ARL14EPL: variants seen among roughly 807,000 people sequenced by gnomAD.
The protein encoded by ARL14EPL is ARF like GTPase 14 effector protein like.
Under a neutral mutation model 15.9 loss-of-function variants are expected in ARL14EPL, and 17 were observed. The ratio of observed to expected loss-of-function variants is 1.07; its 90% confidence interval spans 0.73 to 1.60. ARL14EPL has a LOEUF of 1.60. Ranked by LOEUF, ARL14EPL falls within the 40% of genes most tolerant of loss-of-function variation. ARL14EPL has a pLI of 0.00. For missense variants in ARL14EPL, 214 were observed against 185.9 expected (o/e 1.15, Z -0.88); for synonymous variants, 78 against 63.8 (o/e 1.22, Z -1.06).
chr5:116,045,765 T>G (rs1749254777), intron 1 of ARL14EPL, among the ~76,000 whole-genome samples: 1 of 102,740 alleles, frequency 9.7e-6, no homozygotes, highest in Non-Finnish European at 2.6e-5. Context: ...TGTGTGTGTG[T>G]GTGTGTGTGT....
chr5:116,053,078 C>T (rs1005559397), intron 2 of ARL14EPL, among the ~76,000 whole-genome samples: 2 of 152,174 alleles, frequency 1.3e-5, no homozygotes, highest in Non-Finnish European at 2.9e-5. Flanking sequence ...ATTACAGTGG[C>T]TCACACCTGT....
chr5:116,053,917 C>T (rs1159305757), intron 2 of ARL14EPL, 97 bp from the exon 3 acceptor site: 6 of 999,764 alleles, frequency 6.0e-6, no homozygotes, highest in South Asian at 1.9e-5. Flanking sequence ...TACTTTCATG[C>T]CTTTATGGTG....
chr5:116,034,531 A>C (rs1463112158), intron 1 of ARL14EPL, among the ~76,000 whole-genome samples: 15 of 152,172 alleles, frequency 9.9e-5, no homozygotes, highest in Admixed American at 9.8e-4. Flanking sequence ...TTCCCCCAAC[A>C]CATACCCCCA....
intron 2 of ARL14EPL, among the ~76,000 whole-genome samples, chr5:116,053,565 G>A (rs1396495): frequency 0.65 from 98,692 of 151,778 alleles, 33,969 homozygotes; most frequent in Non-Finnish European, 0.79. Flanking sequence ...GCATCCCAGG[G>A]CACTGAAGGG....
At chr5:116,057,298 C>G (rs945482389) in intron 3 of ARL14EPL, among the ~76,000 whole-genome samples, 2 of 152,102 alleles carry the variant, frequency 1.3e-5, no homozygotes, top group Admixed American at 1.3e-4. Context: ...GAGGACTTCA[C>G]TGCTGTAACA....
At chr5:116,042,920 T>C (rs2112670870) in intron 1 of ARL14EPL, among the ~76,000 whole-genome samples, 1 of 152,266 alleles carries the variant, frequency 6.6e-6, no homozygotes, top group South Asian at 2.1e-4. Flanking sequence ...TTGGAAATTG[T>C]CTTATATAAC....
At chr5:116,041,678 C>G (rs1386124481) in intron 1 of ARL14EPL, among the ~76,000 whole-genome samples, 1 of 152,144 alleles carries the variant, frequency 6.6e-6, no homozygotes, top group Non-Finnish European at 1.5e-5. Context: ...CACTAGAGCC[C>G]TCTGAAATCT....
intron 1 of ARL14EPL, among the ~76,000 whole-genome samples, chr5:116,041,075 A>G (rs1011357008): frequency 1.3e-5 from 2 of 151,926 alleles, no homozygotes; most frequent in Non-Finnish European, 2.9e-5. Context: ...AACAAAAAGC[A>G]CAGGGAGTTC....
At chr5:116,053,917 C>A in intron 2 of ARL14EPL, 97 bp from the exon 3 acceptor site, 1 of 999,746 alleles carries the variant, frequency 1.0e-6, no homozygotes, top group Non-Finnish European at 1.4e-6. Context: ...TACTTTCATG[C>A]CTTTATGGTG....
At chr5:116,040,868 C>G (rs895892161) in intron 1 of ARL14EPL, among the ~76,000 whole-genome samples, 2 of 147,176 alleles carry the variant, frequency 1.4e-5, no homozygotes, top group Non-Finnish European at 3.0e-5. Flanking sequence ...GTAGTCCCAG[C>G]TACTCGGGAG....
intron 1 of ARL14EPL, among the ~76,000 whole-genome samples, chr5:116,034,620 G>A (rs768898874): frequency 3.9e-4 from 59 of 152,206 alleles, no homozygotes; most frequent in Middle Eastern, 3.4e-3. Flanking sequence ...GTAGTACAAC[G>A]AAGTAGGGAA....
chr5:116,057,445 C>T (rs1033902933), intron 3 of ARL14EPL, among the ~76,000 whole-genome samples: 28 of 148,814 alleles, frequency 1.9e-4, no homozygotes, highest in Non-Finnish European at 2.7e-4. Flanking sequence ...TCAAATGGGC[C>T]GGAAACCATA....
intron 1 of ARL14EPL, chr5:116,051,143 A>T: frequency 4.6e-6 from 1 of 219,100 alleles, no homozygotes; most frequent in Non-Finnish European, 8.9e-6. Context: ...GTGTGTGTAA[A>T]GAAGGAAGAA....
intron 1 of ARL14EPL, 50 bp from the exon 2 acceptor site, chr5:116,051,407 T>C (rs924488639): frequency 1.8e-6 from 2 of 1,116,032 alleles, no homozygotes; most frequent in Admixed American, 2.1e-5. Flanking sequence ...ATATAGTTAC[T>C]GGAGATAGAT....
intron 1 of ARL14EPL, among the ~76,000 whole-genome samples, chr5:116,045,299 G>A (rs975549284): frequency 2.0e-5 from 3 of 152,310 alleles, no homozygotes; most frequent in East Asian, 1.9e-4. Context: ...AATATTTGAG[G>A]TGAGTGCTTT....
chr5:116,051,354 G>A, intron 1 of ARL14EPL, 103 bp from the exon 2 acceptor site: 1 of 746,278 alleles, frequency 1.3e-6, no homozygotes, highest in African/African-American at 1.8e-5. Context: ...GTCTGGTTTT[G>A]AATAAAGTGA....
chr5:116,039,732 A>G (rs571649607), intron 1 of ARL14EPL, among the ~76,000 whole-genome samples: 4 of 152,326 alleles, frequency 2.6e-5, no homozygotes, highest in African/African-American at 9.6e-5. Context: ...AAGATGAGAA[A>G]TCTCTGAGAG....
chr5:116,042,313 C>G (rs564672785), intron 1 of ARL14EPL, among the ~76,000 whole-genome samples: 1 of 152,238 alleles, frequency 6.6e-6, no homozygotes, highest in Admixed American at 6.5e-5. Context: ...CTTATTTGCC[C>G]TTTTATCATT....
In ARL14EPL at chr5:116,051,471, T is replaced by C. The variant is rs193029726; in HGVS notation, c.6T>C (p.Asn2=). The stretch of plus-strand genomic sequence containing the variant: ...TACTTTTTAAGTGATCAGAGATGAA[T>C]GAACAATCAGAGAAAAACAATTCCA... M[N]EQSEKNNSIQ... Residue 2 remains asparagine (N), a synonymous_variant, in exon 2 of 4, where the codon AAT becomes AAC. Coordinates refer to ENST00000686077, the MANE Select transcript of ARL14EPL (RefSeq NM_001195581.2). 6.5e-7 allele frequency: 1 copy of C among 1,532,002 alleles called. No homozygotes were observed. Among genetic ancestry groups the C allele is most frequent in the South Asian group, 1.2e-5 (1 of 83,882 alleles). The allele number at this position is 1,532,002 out of a possible 1,614,324, so 94.9% of individuals were successfully genotyped here.
Sources: allele counts gnomAD v4.1 joint callset (sites outside exome capture counted in the v4.1 genomes callset), GRCh38; gene constraint gnomAD v4.1.1; transcripts MANE v1.5; gene names NCBI Gene and HGNC (gene_info 2026-07-23, HGNC 2026-07-21).